RRAS2: variants seen among roughly 807,000 people sequenced by gnomAD.
The protein encoded by RRAS2 is ras-related protein R-Ras2.
In RRAS2, 7 loss-of-function variants were observed where a neutral mutation model predicts 27.6. That is an observed-to-expected ratio of 0.25 (90% CI 0.14 to 0.48). The LOEUF is 0.48. Ranked by LOEUF, RRAS2 falls within the 20% of genes least tolerant of loss-of-function variation. The pLI, the probability that RRAS2 is intolerant of heterozygous loss-of-function variation, is 0.99. For missense variants in RRAS2, 178 were observed against 256.2 expected, an observed-to-expected ratio of 0.69 and a Z score of 2.08; for synonymous variants, 86 against 90.9, an observed-to-expected ratio of 0.95 and a Z score of 0.31.
intron 1 of RRAS2, among the ~76,000 whole-genome samples, chr11:14,303,234 A>G (rs1424945478): frequency 6.6e-6 from 1 of 152,216 alleles, no homozygotes; most frequent in African/African-American, 2.4e-5. Flanking sequence ...TGTATACTAT[A>G]TAATTGCTAC....
At chr11:14,319,227 C>A (rs911313430) in intron 1 of RRAS2, among the ~76,000 whole-genome samples, 19 of 152,330 alleles carry the variant, frequency 1.2e-4, no homozygotes, top group African/African-American at 4.3e-4. Context: ...CCCCATACAC[C>A]TCCGTCAATC....
intron 1 of RRAS2, among the ~76,000 whole-genome samples, chr11:14,336,793 A>C (rs1554952604): frequency 6.6e-6 from 1 of 152,216 alleles, no homozygotes; most frequent in African/African-American, 2.4e-5. Flanking sequence ...CACAATGAGA[A>C]GACAAGGAGA....
chr11:14,352,510 C>G (rs1016369584), intron 1 of RRAS2, among the ~76,000 whole-genome samples: 1 of 152,002 alleles, frequency 6.6e-6, no homozygotes, highest in African/African-American at 2.4e-5. Context: ...GCAGCTCTGC[C>G]CAAAGTAATT....
At chr11:14,318,752 A>G (rs548048351) in intron 1 of RRAS2, among the ~76,000 whole-genome samples, 175 of 152,298 alleles carry the variant, frequency 1.1e-3, no homozygotes, top group African/African-American at 4.0e-3. Context: ...TAACCCAAAC[A>G]CGGACATTTT....
chr11:14,343,243 CAAAAT>C (rs1848755275), intron 1 of RRAS2, among the ~76,000 whole-genome samples: 1 of 152,128 alleles, frequency 6.6e-6, no homozygotes, highest in South Asian at 2.1e-4. Flanking sequence ...AGGAAGGAGA[CAAAAT>C]AAACAATTGT....
At chr11:14,347,208 A>C (rs1225490854) in intron 1 of RRAS2, among the ~76,000 whole-genome samples, 1 of 152,158 alleles carries the variant, frequency 6.6e-6, no homozygotes, top group Non-Finnish European at 1.5e-5. Flanking sequence ...CTAGCTGTTC[A>C]TGAGGATTGT....
At chr11:14,302,279 T>C (rs1049182192) in intron 1 of RRAS2, among the ~76,000 whole-genome samples, 3 of 152,180 alleles carry the variant, frequency 2.0e-5, no homozygotes, top group Non-Finnish European at 4.4e-5. Flanking sequence ...ATTTCCCTAT[T>C]ATTACTTCTA....
intron 4 of RRAS2, among the ~76,000 whole-genome samples, chr11:14,284,583 G>A (rs904157751): frequency 1.8e-4 from 28 of 152,070 alleles, no homozygotes; most frequent in African/African-American, 6.0e-4. Context: ...ATCAGTTATC[G>A]AGAGGGGTAT....
upstream of RRAS2, chr11:14,359,223 AG>A (rs1228045398): frequency 1.0e-4 from 7 of 68,622 alleles, no homozygotes; most frequent in Middle Eastern, 5.2e-3. Flanking sequence ...CATATGCATG[AG>A]GGGGCGGGGA....
At chr11:14,323,437 G>A (rs1303100220) in intron 1 of RRAS2, among the ~76,000 whole-genome samples, 1 of 150,962 alleles carries the variant, frequency 6.6e-6, no homozygotes, top group Non-Finnish European at 1.5e-5. Context: ...CGACCTGGGT[G>A]ACAGAGCGAG....
chr11:14,348,948 T>C lies in RRAS2; in HGVS notation c.108+9815A>G, dbSNP rs184489137. 2.2e-3 allele frequency among the ~76,000 whole-genome samples: 332 copies of C among 152,294 alleles called. 2 individuals are homozygous for C. Among genetic ancestry groups the C allele is most frequent in the Admixed American group, 4.6e-3 (71 of 15,294 alleles). ...GTGTATCCATAATGAGATCTATTTCTATATCTACATACTTCTTTTTTTGTT... is the reference window on the plus strand; with the variant it reads ...GTGTATCCATAATGAGATCTATTTCCATATCTACATACTTCTTTTTTTGTT... On this transcript the variant is annotated intron_variant, in intron 1 of 5. Transcript: ENST00000256196.
chr11:14,283,514 C>T (rs1209473793), intron 4 of RRAS2, among the ~76,000 whole-genome samples: 6 of 152,146 alleles, frequency 3.9e-5, no homozygotes, highest in South Asian at 2.1e-4. Flanking sequence ...TGGTATAATT[C>T]ACCGGCAAAT....
intron 1 of RRAS2, among the ~76,000 whole-genome samples, chr11:14,348,399 T>C (rs898497645): frequency 2.6e-5 from 4 of 152,184 alleles, no homozygotes; most frequent in Non-Finnish European, 5.9e-5. Context: ...TTAACATCCA[T>C]TTTTACCCAC....
At chr11:14,362,883 T>C (rs1554956289), upstream of RRAS2, among the ~76,000 whole-genome samples, 1 of 152,240 alleles carries the variant, frequency 6.6e-6, no homozygotes, top group Non-Finnish European at 1.5e-5. Flanking sequence ...AAGAGAGCTG[T>C]TGACTGCATC....
At position 14,279,473 on chromosome 11, in the gene RRAS2, T is replaced by C. The variant is rs1554943991; in HGVS notation, c.528-49A>G. On this transcript the variant is annotated intron_variant, in intron 5 of 5. Transcript: ENST00000256196. ...TATAATTGCCTTCTTGGTAATCTAC[T>C]ATTACAAACACAGGTTATTTTTTGT... 6.3e-6 allele frequency: 8 copies of C among 1,278,274 alleles called. No individual in the cohort carries two copies. The Admixed American group carries it at 1.4e-4, about 22-fold the overall frequency. The allele number at this position is 1,278,274 out of a possible 1,614,324, so 79.2% of individuals were successfully genotyped here. A position where few individuals can be genotyped will look rare whatever the true frequency, so the allele number is the denominator to read the frequency against.
intron 4 of RRAS2, among the ~76,000 whole-genome samples, chr11:14,282,008 A>C (rs899297992): frequency 2.0e-5 from 3 of 152,254 alleles, no homozygotes; most frequent in African/African-American, 7.2e-5. Context: ...GGAAAGTGTA[A>C]GGTGCTATTA....
chr11:14,356,149 C>A (rs1849068057), intron 1 of RRAS2, among the ~76,000 whole-genome samples: 1 of 152,110 alleles, frequency 6.6e-6, no homozygotes, highest in Non-Finnish European at 1.5e-5. Context: ...ATTACACATG[C>A]AGCAAGTGGT....
At chr11:14,304,248 G>C (rs1847781517) in intron 1 of RRAS2, among the ~76,000 whole-genome samples, 1 of 152,176 alleles carries the variant, frequency 6.6e-6, no homozygotes, top group Non-Finnish European at 1.5e-5. Context: ...TGGCTTAAAT[G>C]AAAGGGGCTT....
chr11:14,323,248 A>ACT (rs1275575613), intron 1 of RRAS2, among the ~76,000 whole-genome samples: 6 of 152,154 alleles, frequency 3.9e-5, no homozygotes, highest in Non-Finnish European at 8.8e-5. Flanking sequence ...GGAGTTTGAG[A>ACT]TCAACCTGGG....
Sources: gnomAD v4.1 joint callset for allele counts (sites outside exome capture counted in the v4.1 genomes callset) on GRCh38, gnomAD v4.1.1 for gene constraint, MANE v1.5 for transcripts, NCBI Gene and HGNC (gene_info 2026-07-23, HGNC 2026-07-21) for gene names.